Variants in PPM1H observed in about 807,000 individuals in gnomAD.
The protein encoded by PPM1H is protein phosphatase, Mg2+/Mn2+ dependent 1H.
Under a neutral mutation model 54.9 loss-of-function variants are expected in PPM1H, and 27 were observed. The ratio of observed to expected loss-of-function variants is 0.49; its 90% CI spans 0.36 to 0.68. The LOEUF is 0.68. PPM1H is among the 30% of genes least tolerant of loss of function. The probability of loss-of-function intolerance (pLI) is 0.00; values close to 1 mark genes in which losing one functional copy is unlikely to be tolerated. For missense variants in PPM1H, 596 were observed against 667.8 expected, an observed-to-expected ratio of 0.89 and a Z score of 1.19; for synonymous variants, 305 against 270.8, an observed-to-expected ratio of 1.13 and a Z score of -1.24.
intron 2 of PPM1H, among the ~76,000 whole-genome samples, chr12:62,807,073 C>T (rs968650512): frequency 6.6e-6 from 1 of 152,060 alleles, no homozygotes; most frequent in Non-Finnish European, 1.5e-5. Context: ...AAGGGCCCTG[C>T]GGTAGAATGG....
At chr12:62,858,450 T>G (rs186488712) in intron 1 of PPM1H, among the ~76,000 whole-genome samples, 6 of 102,560 alleles carry the variant, frequency 5.9e-5, no homozygotes, top group Admixed American at 3.1e-4. Flanking sequence ...AAATGCTTTT[T>G]TTGTTGTTGT....
intron 4 of PPM1H, among the ~76,000 whole-genome samples, chr12:62,763,838 A>T (rs342151): frequency 0.36 from 54,145 of 152,012 alleles, 9,824 homozygotes; most frequent in Middle Eastern, 0.47. Flanking sequence ...CCATTTGCTG[A>T]GCTTGCTACC....
chr12:62,803,616 A>G (rs1251771876), intron 2 of PPM1H, among the ~76,000 whole-genome samples: 1 of 152,208 alleles, frequency 6.6e-6, no homozygotes, highest in African/African-American at 2.4e-5. Flanking sequence ...ATGGGGGAAA[A>G]AAACTCCTTG....
rs936221966 is a variant in PPM1H, at chr12:62,847,570, G to A, written c.246-15291C>T. Among the ~76,000 whole-genome samples, 6 of 152,130 alleles carry A rather than the reference G, an allele frequency of 3.9e-5. 1 individual carries two copies. Among genetic ancestry groups the A allele is most frequent in the Admixed American group, 3.9e-4 (6 of 15,270 alleles). Reference sequence around the variant, plus strand: ...TTAAAATTTATATCACAAGCTCAAGGATCTCTACCTAACATCCTGTGCTAA... The same window carrying A: ...TTAAAATTTATATCACAAGCTCAAGAATCTCTACCTAACATCCTGTGCTAA... On this transcript the variant is annotated intron_variant, in intron 1 of 9. Transcript: ENST00000228705.
intron 4 of PPM1H, among the ~76,000 whole-genome samples, chr12:62,747,232 G>T (rs1417518582): frequency 1.3e-5 from 2 of 151,972 alleles, no homozygotes; most frequent in African/African-American, 2.4e-5. Context: ...CGCCTCCCAG[G>T]TTCAAGTGAT....
chr12:62,734,135 T>C (rs561128243), intron 5 of PPM1H, among the ~76,000 whole-genome samples: 1 of 135,690 alleles, frequency 7.4e-6, no homozygotes, highest in South Asian at 2.3e-4. Flanking sequence ...CACATGAATT[T>C]TTTTTTTTTT....
intron 6 of PPM1H, among the ~76,000 whole-genome samples, chr12:62,700,880 T>G (rs2076140438): frequency 6.6e-6 from 1 of 152,230 alleles, no homozygotes; most frequent in African/African-American, 2.4e-5. Context: ...TTCTTTAACA[T>G]TGTTCCTGTC....
At chr12:62,768,483 GTC>G (rs1257689610) in intron 4 of PPM1H, among the ~76,000 whole-genome samples, 1 of 152,042 alleles carries the variant, frequency 6.6e-6, no homozygotes, top group Non-Finnish European at 1.5e-5. Context: ...GTGAAACCCT[GTC>G]TCTACTAAAA....
At chr12:62,852,768 G>T (rs1455116285) in intron 1 of PPM1H, among the ~76,000 whole-genome samples, 1 of 152,226 alleles carries the variant, frequency 6.6e-6, no homozygotes, top group African/African-American at 2.4e-5. Flanking sequence ...GAAAGATATG[G>T]TGGTGAAACC....
At chr12:62,649,556 T>G (rs1367998478) in intron 9 of PPM1H, among the ~76,000 whole-genome samples, 1 of 152,194 alleles carries the variant, frequency 6.6e-6, no homozygotes, top group Non-Finnish European at 1.5e-5. Context: ...GTTGACAGCC[T>G]TCAAAGGAAC....
At chr12:62,790,910 G>T (rs1416990922) in intron 3 of PPM1H, among the ~76,000 whole-genome samples, 1 of 152,166 alleles carries the variant, frequency 6.6e-6, no homozygotes, top group Non-Finnish European at 1.5e-5. Context: ...AAATTAGCTG[G>T]CATGTGTGAG....
chr12:62,711,166 A>AT lies in PPM1H; in HGVS notation c.1073+9004dup, dbSNP rs554454010. On this transcript the variant is annotated intron_variant, in intron 6 of 9. Transcript: ENST00000228705. ...GCCAACACACCCAGAACATTTTTGT[A>AT]TTTTTTATAGAAACAGGGTCTCCCC... Among the ~76,000 whole-genome samples, 20 of 152,036 alleles carry AT rather than the reference A, an allele frequency of 1.3e-4. No individual in the cohort carries two copies. In the South Asian group the frequency reaches 2.5e-3, roughly 19 times the overall value.
rs377626950 is a variant in PPM1H at position 62,687,376 on chromosome 12, T to G, written c.1245+2323A>C. On this transcript the variant is annotated intron_variant, in intron 8 of 9. Coordinates refer to ENST00000228705, the MANE Select transcript of PPM1H (RefSeq NM_020700.2). ...TCGAGCTCCTGGGCTCAAGCAATCC[T>G]CTCACCTCAGCCTTCTGAGTAGCTG... Among the ~76,000 whole-genome samples the G allele has an allele frequency of 7.9e-5, 12 of 152,122 alleles. 1 individual carries two copies. In the East Asian group the frequency reaches 9.6e-4, roughly 12 times the overall value.
chr12:62,766,812 C>T (rs1387465131), intron 4 of PPM1H, among the ~76,000 whole-genome samples: 1 of 152,228 alleles, frequency 6.6e-6, no homozygotes, highest in Non-Finnish European at 1.5e-5. Flanking sequence ...GTGTGAGCTT[C>T]AGGCTTTACC....
At chr12:62,718,076 T>C (rs1214010792) in intron 6 of PPM1H, among the ~76,000 whole-genome samples, 1 of 152,208 alleles carries the variant, frequency 6.6e-6, no homozygotes, top group Non-Finnish European at 1.5e-5. Flanking sequence ...AACATTGATC[T>C]CCCCACTTCT....
chr12:62,793,791 C>G (rs2076715359), intron 3 of PPM1H, among the ~76,000 whole-genome samples: 2 of 144,314 alleles, frequency 1.4e-5, no homozygotes, highest in Admixed American at 1.4e-4. Context: ...TGCAATGAGA[C>G]TAATTCAGCA....
intron 1 of PPM1H, among the ~76,000 whole-genome samples, chr12:62,886,500 G>A (rs1870594469): frequency 6.6e-6 from 1 of 152,094 alleles, no homozygotes; most frequent in African/African-American, 2.4e-5. Context: ...AGCACTGAAA[G>A]CATCTAGTCA....
At chr12:62,933,376 A>G (rs768389765) in intron 1 of PPM1H, among the ~76,000 whole-genome samples, 1 of 152,074 alleles carries the variant, frequency 6.6e-6, no homozygotes, top group African/African-American at 2.4e-5. Flanking sequence ...CCACCAGAAC[A>G]GGGTCAGCAT....
intron 4 of PPM1H, among the ~76,000 whole-genome samples, chr12:62,785,794 C>G (rs1183383851): frequency 1.3e-5 from 2 of 151,286 alleles, no homozygotes; most frequent in African/African-American, 4.9e-5. Context: ...GGCTTAGAAG[C>G]CCTGGCTAGG....
Sources: allele counts gnomAD v4.1 joint callset (sites outside exome capture counted in the v4.1 genomes callset), GRCh38; gene constraint gnomAD v4.1.1; transcripts MANE v1.5; gene names NCBI Gene and HGNC (gene_info 2026-07-23, HGNC 2026-07-21).